The following PTPRM variants were observed in gnomAD, a reference collection of about 807,000 sequenced individuals.
PTPRM encodes receptor-type tyrosine-protein phosphatase mu.
PTPRM carries 47 observed loss-of-function variants against 186.7 expected under a neutral mutation model. The observed-to-expected ratio is 0.25, with a 90% confidence interval of 0.20 to 0.32. PTPRM has a LOEUF of 0.32. Among genes scored for constraint, PTPRM ranks in the 10% least tolerant of loss-of-function variants. The probability of loss-of-function intolerance (pLI) is 1.00; values close to 1 mark genes in which losing one functional copy is unlikely to be tolerated. For synonymous variants in PTPRM, 668 were observed against 674.9 expected, an observed-to-expected ratio of 0.99 and a Z score of 0.16; for missense variants, 1,494 against 1,865.0, an observed-to-expected ratio of 0.80 and a Z score of 3.66.
At chr18:8,186,630 A>G (rs988683153) in intron 14 of PTPRM, among the ~76,000 whole-genome samples, 1 of 151,926 alleles carries the variant, frequency 6.6e-6, no homozygotes, top group East Asian at 1.9e-4. Flanking sequence ...CTCTCACCTC[A>G]TTTTCCACAT....
intron 23 of PTPRM, among the ~76,000 whole-genome samples, chr18:8,348,291 G>C (rs12607500): frequency 6.6e-6 from 1 of 152,242 alleles, no homozygotes; most frequent in Non-Finnish European, 1.5e-5. Flanking sequence ...CTCTGCATTA[G>C]GCGGCCCTAA....
intron 14 of PTPRM, among the ~76,000 whole-genome samples, chr18:8,212,223 G>A: frequency 6.6e-6 from 1 of 152,126 alleles, no homozygotes; most frequent in Non-Finnish European, 1.5e-5. Flanking sequence ...AAGCATGAAC[G>A]GAAATTTGGA....
chr18:8,202,951 C>T (rs1180027749), intron 14 of PTPRM, among the ~76,000 whole-genome samples: 1 of 152,220 alleles, frequency 6.6e-6, no homozygotes, highest in Non-Finnish European at 1.5e-5. Flanking sequence ...GACTGCTAAA[C>T]TCAGCTCAGG....
At chr18:8,302,575 G>T (rs145981427) in intron 20 of PTPRM, among the ~76,000 whole-genome samples, 2 of 152,114 alleles carry the variant, frequency 1.3e-5, no homozygotes, top group African/African-American at 4.8e-5. Flanking sequence ...AGCTGTTGAG[G>T]AATTTCCAGT....
Position 7,788,569 on chromosome 18 carries a change from GAAATAATTCC to G in PTPRM, c.196+14301_196+14310del, listed in dbSNP as rs374029735. On this transcript the variant is annotated intron_variant, in intron 2 of 32. Coordinates refer to ENST00000580170, the MANE Select transcript of PTPRM (RefSeq NM_001105244.2). ...AAATTGTCATATATATTGTAATGAT[GAAATAATTCC>G]AACCCCTTTTATGAAGTGTGTAGTG... Among the ~76,000 whole-genome samples the G allele has an allele frequency of 4.8e-3, 738 of 152,248 alleles. 4 individuals are homozygous for G. The highest frequency in any genetic ancestry group is 0.017 in the African/African-American group (699 of 41,544).
chr18:8,202,575 T>C (rs980028768), intron 14 of PTPRM, among the ~76,000 whole-genome samples: 2 of 149,286 alleles, frequency 1.3e-5, no homozygotes, highest in African/African-American at 5.1e-5. Flanking sequence ...TTTCCCACTT[T>C]CATTTGTTCT....
intron 31 of PTPRM, among the ~76,000 whole-genome samples, chr18:8,391,994 A>G (rs1216908560): frequency 6.6e-6 from 1 of 152,240 alleles, no homozygotes; most frequent in Non-Finnish European, 1.5e-5. Flanking sequence ...GATGTGATGA[A>G]TGAGAAAAAT....
chr18:8,000,252 T>G (rs1281821589), intron 7 of PTPRM, among the ~76,000 whole-genome samples: 1 of 152,176 alleles, frequency 6.6e-6, no homozygotes, highest in Admixed American at 6.5e-5. Context: ...ATCAGAATCA[T>G]GAATGCCAGG....
intron 2 of PTPRM, among the ~76,000 whole-genome samples, chr18:7,819,758 G>A (rs1458551816): frequency 6.6e-6 from 1 of 152,174 alleles, no homozygotes; most frequent in Admixed American, 6.5e-5. Flanking sequence ...CACTGCTGTG[G>A]AGTCAGAACC....
chr18:8,001,294 G>A (rs1568163710), intron 7 of PTPRM, among the ~76,000 whole-genome samples: 1 of 152,172 alleles, frequency 6.6e-6, no homozygotes, highest in African/African-American at 2.4e-5. Flanking sequence ...CTCCAGGATG[G>A]AGCCTAGTTA....
chr18:8,379,432 C>T, intron 28 of PTPRM, 92 bp downstream of exon 28: 11 of 1,289,728 alleles, frequency 8.5e-6, no homozygotes, highest in South Asian at 1.9e-5. Context: ...GCTCACCAGC[C>T]CTTTTGTTTT....
At chr18:7,598,562 G>T (rs1224180984) in intron 1 of PTPRM, among the ~76,000 whole-genome samples, 1 of 152,192 alleles carries the variant, frequency 6.6e-6, no homozygotes, top group Non-Finnish European at 1.5e-5. Context: ...TTTTAAAATA[G>T]TGCAAGTCTG....
chr18:7,724,716 A>G (rs1211635506), intron 1 of PTPRM, among the ~76,000 whole-genome samples: 1 of 152,256 alleles, frequency 6.6e-6, no homozygotes, highest in Admixed American at 6.5e-5. Flanking sequence ...AGCGATTAGC[A>G]GAGATTAAGA....
Position 7,890,517 on chromosome 18 carries a change from GT to G in PTPRM, c.468+2149del, listed in dbSNP as rs150947677. ...TTAATGAGTGACAAGTAAATGTGTT[GT>G]TTTTTTTTAATGGAAATGAAGACAT... On this transcript the variant is annotated intron_variant, in intron 3 of 32. Coordinates refer to ENST00000580170, the MANE Select transcript of PTPRM (RefSeq NM_001105244.2). Among the ~76,000 whole-genome samples, 7 of 150,724 alleles carry G rather than the reference GT, an allele frequency of 4.6e-5. No individual in the cohort carries two copies. In the South Asian group the frequency reaches 1.1e-3, roughly 23 times the overall value.
intron 3 of PTPRM, among the ~76,000 whole-genome samples, chr18:7,898,337 T>C (rs1161979557): frequency 6.6e-6 from 1 of 152,184 alleles, no homozygotes; most frequent in Non-Finnish European, 1.5e-5. Context: ...CACATTTTCC[T>C]TGGTGAGTAT....
chr18:8,143,875 G>A (rs900332197), intron 14 of PTPRM, 96 bp downstream of exon 14: 13 of 1,447,144 alleles, frequency 9.0e-6, no homozygotes, highest in East Asian at 6.8e-5. Flanking sequence ...AACTGGCTTT[G>A]ATAACCCAGA....
chr18:8,208,076 C>T (rs2093953798), intron 14 of PTPRM, among the ~76,000 whole-genome samples: 3 of 152,208 alleles, frequency 2.0e-5, no homozygotes, highest in Admixed American at 2.0e-4. Flanking sequence ...TCTAGAACCT[C>T]AGGGAGCAAC....
In PTPRM at chr18:8,273,869, T is replaced by C. The variant is rs553700265; in HGVS notation, c.2754+20455T>C. ...AAGCAGTTTGCTCAAAAGCCCCATA[T>C]GGTTTGCCCATTTTCCTCTGCCCTT... On this transcript the variant is annotated intron_variant, in intron 19 of 32. Transcript: ENST00000580170. Among the ~76,000 whole-genome samples, 14 of 152,362 alleles carry C rather than the reference T, an allele frequency of 9.2e-5. No individual in the cohort carries two copies. The South Asian group carries it at 2.9e-3, about 32-fold the overall frequency.
In PTPRM at chr18:8,395,982, A is replaced by G. The variant is rs543103345; in HGVS notation, c.4344+1371A>G. ...AATTGCAAAGGGGAGAGGTGGTTGT[A>G]GAGAGTGTAGGAGTCTGCCAGGCGT... On this transcript the variant is annotated intron_variant, in intron 32 of 32. Transcript: ENST00000580170. Among the ~76,000 whole-genome samples, 394 of 152,334 alleles carry G rather than the reference A, an allele frequency of 2.6e-3. 3 individuals carry two copies. Among genetic ancestry groups the G allele is most frequent in the African/African-American group, 9.3e-3 (388 of 41,570 alleles).
Sources: gnomAD v4.1 joint callset for allele counts (sites outside exome capture counted in the v4.1 genomes callset) on GRCh38, gnomAD v4.1.1 for gene constraint, MANE v1.5 for transcripts, NCBI Gene and HGNC (gene_info 2026-07-23, HGNC 2026-07-21) for gene names.